SRGAP2: variants seen among roughly 807,000 people sequenced by gnomAD.
SRGAP2 encodes the protein SLIT-ROBO Rho GTPase-activating protein 2.
Under a neutral mutation model 57.2 loss-of-function variants are expected in SRGAP2, and 15 were observed. The observed-to-expected ratio is 0.26, with a 90% CI of 0.18 to 0.40. SRGAP2 has a LOEUF of 0.40. Among genes scored for constraint, SRGAP2 ranks in the 10% least tolerant of loss-of-function variants. The pLI is 1.00. For missense variants in SRGAP2, 520 were observed against 669.6 expected, an observed-to-expected ratio of 0.78 and a Z score of 2.47; for synonymous variants, 249 against 248.0, an observed-to-expected ratio of 1.00 and a Z score of -0.04.
chr1:206,425,397 ATCT>A (rs1478878349), intron 13 of SRGAP2, among the ~76,000 whole-genome samples: 5 of 152,224 alleles, frequency 3.3e-5, no homozygotes, highest in African/African-American at 1.2e-4. Flanking sequence ...AACATTCCAA[ATCT>A]TCTATCTGTT....
At chr1:206,209,780 T>C (rs1205974803) in intron 2 of SRGAP2, among the ~76,000 whole-genome samples, 1 of 151,770 alleles carries the variant, frequency 6.6e-6, no homozygotes, top group Admixed American at 6.6e-5. Flanking sequence ...TGATAACTAA[T>C]GGTGTGGTAT....
At chr1:206,253,573 C>CTTTTTTTTTTTTTTTT (rs71264673) in intron 2 of SRGAP2, among the ~76,000 whole-genome samples, 8 of 101,682 alleles carry the variant, frequency 7.9e-5, no homozygotes, top group East Asian at 3.3e-4. Flanking sequence ...TTCTTTCTTT[C>CTTTTTTTTTTTTTTTT]TTTTTTTTTT....
At chr1:206,416,504 C>G (rs1659711307) in intron 11 of SRGAP2, among the ~76,000 whole-genome samples, 1 of 152,194 alleles carries the variant, frequency 6.6e-6, no homozygotes, top group Non-Finnish European at 1.5e-5. Context: ...TGGCAGCCCT[C>G]TCTCGTGTGG....
chr1:206,225,852 T>C (rs1481823544), intron 2 of SRGAP2, among the ~76,000 whole-genome samples: 1 of 152,032 alleles, frequency 6.6e-6, no homozygotes, highest in Non-Finnish European at 1.5e-5. Flanking sequence ...TGAGCTGCCT[T>C]GCTCCGAGTT....
At chr1:206,296,875 T>G in intron 2 of SRGAP2, 1 of 152,324 alleles carries the variant, frequency 6.6e-6, no homozygotes. Context: ...CATAGGTAAG[T>G]AATGTCAGTC....
At chr1:206,295,859 A>G (rs1210690437) in intron 2 of SRGAP2, among the ~76,000 whole-genome samples, 1 of 152,112 alleles carries the variant, frequency 6.6e-6, no homozygotes, top group East Asian at 1.9e-4. Context: ...ATCCAAGGCA[A>G]AGTGGTTTTT....
chr1:206,439,538 G>A (rs547443467), intron 16 of SRGAP2, among the ~76,000 whole-genome samples: 8 of 151,904 alleles, frequency 5.3e-5, no homozygotes, highest in East Asian at 3.9e-4. Context: ...GCAGGTTGGC[G>A]GCAGCTCCCT....
Position 206,454,865 on chromosome 1 carries a change from C to T in SRGAP2, c.2361-13C>T. On this transcript the variant is annotated splice_polypyrimidine_tract_variant and intron_variant, in intron 20 of 22. Coordinates refer to ENST00000573034, the MANE Select transcript of SRGAP2 (RefSeq NM_015326.5). The surrounding 1 kb of genome is among the most constrained non-coding windows in gnomAD (Gnocchi z 4.3). ...TTTCCCTCCTCCCTGCCTGCCTGCC[C>T]CTTCTCCCCCAGCGAGGACGGTGTC... 1 of 744,430 alleles carries T rather than the reference C, an allele frequency of 1.3e-6. No homozygotes were observed. The highest frequency in any genetic ancestry group is 2.4e-5 in the East Asian group (1 of 40,838). 46.1% of individuals were successfully genotyped at this position (744,430 alleles called of 1,614,324 possible).
chr1:206,256,462 G>A (rs2102606075), intron 2 of SRGAP2, among the ~76,000 whole-genome samples: 1 of 146,202 alleles, frequency 6.8e-6, no homozygotes, highest in African/African-American at 2.6e-5. Context: ...TGGTGAGGCA[G>A]TTCTAAAGAA....
intron 10 of SRGAP2, among the ~76,000 whole-genome samples, chr1:206,409,747 A>C (rs1659026413): frequency 6.7e-6 from 1 of 149,830 alleles, no homozygotes; most frequent in Non-Finnish European, 1.5e-5. Flanking sequence ...GTGTCACTGC[A>C]CTCCAGCCTG....
intron 2 of SRGAP2, among the ~76,000 whole-genome samples, chr1:206,263,275 C>T (rs1413176122): frequency 3.4e-5 from 5 of 145,304 alleles, no homozygotes; most frequent in Admixed American, 6.9e-5. Flanking sequence ...ATTCTGGAGT[C>T]GCTATTTAAT....
chr1:206,203,541 A>T lies in SRGAP2; in HGVS notation c.-652A>T. 1.8e-6 allele frequency: 1 copy of T among 552,136 alleles called. No individual in the cohort carries two copies. Among genetic ancestry groups the T allele is most frequent in the Non-Finnish European group, 3.2e-6 (1 of 311,522 alleles). The allele number at this position is 552,136 out of a possible 1,614,324, so 34.2% of individuals were successfully genotyped here. On this transcript the variant is annotated 5_prime_UTR_variant, in exon 1 of 23. Coordinates refer to ENST00000573034, the MANE Select transcript of SRGAP2 (RefSeq NM_015326.5). ...CTGCGGAGTTGGCGGAGGCTCCTCC[A>T]GGGACTGGGGCACCGATCTGCGTAG...
intron 2 of SRGAP2, among the ~76,000 whole-genome samples, chr1:206,301,117 C>T (rs1322672518): frequency 1.3e-5 from 2 of 152,136 alleles, no homozygotes; most frequent in East Asian, 1.9e-4. Flanking sequence ...GTGCAAGCTC[C>T]GCCTCCCGGG....
At chr1:206,238,889 T>C (rs1387374898) in intron 2 of SRGAP2, among the ~76,000 whole-genome samples, 4 of 145,672 alleles carry the variant, frequency 2.7e-5, no homozygotes, top group Non-Finnish European at 6.1e-5. Flanking sequence ...CTCTGTAGTC[T>C]GGATGCTTGT....
intron 2 of SRGAP2, among the ~76,000 whole-genome samples, chr1:206,238,372 T>G (rs2102539396): frequency 2.3e-4 from 1 of 4,316 alleles, no homozygotes. Flanking sequence ...ATCAACTGCT[T>G]ACTGTGTGCC....
At chr1:206,430,846 T>C (rs2103290902) in intron 14 of SRGAP2, among the ~76,000 whole-genome samples, 1 of 152,332 alleles carries the variant, frequency 6.6e-6, no homozygotes, top group East Asian at 1.9e-4. Context: ...CACCAGCTAC[T>C]GGTCTCATTG....
chr1:206,355,096 T>C (rs1302515266), intron 4 of SRGAP2, among the ~76,000 whole-genome samples: 21 of 152,286 alleles, frequency 1.4e-4, no homozygotes, highest in African/African-American at 4.6e-4. Context: ...AATTAATTAC[T>C]CAAAAAATCT....
chr1:206,347,927 G>C (rs78185643), intron 4 of SRGAP2, among the ~76,000 whole-genome samples: 1 of 151,972 alleles, frequency 6.6e-6, no homozygotes, highest in Admixed American at 6.5e-5. Flanking sequence ...CAAAATATCT[G>C]TGCCCCCTGT....
chr1:206,296,892 G>A (rs1671626885), intron 2 of SRGAP2: 1 of 152,092 alleles, frequency 6.6e-6, no homozygotes, highest in African/African-American at 2.4e-5. Flanking sequence ...AGTCACTGAG[G>A]ATGTGTTATA....
Sources: gnomAD v4.1 joint callset for allele counts (sites outside exome capture counted in the v4.1 genomes callset) on GRCh38, gnomAD v4.1.1 for gene constraint, Gnocchi (gnomAD v3.1) non-coding constraint, MANE v1.5 for transcripts, NCBI Gene and HGNC (gene_info 2026-07-23, HGNC 2026-07-21) for gene names.